CNNM1: variants seen among roughly 807,000 people sequenced by gnomAD.
CNNM1 encodes metal transporter CNNM1.
In CNNM1, 44 loss-of-function variants were observed where a neutral mutation model predicts 78.8. The ratio of observed to expected loss-of-function variants is 0.56; its 90% confidence interval spans 0.44 to 0.72. The LOEUF is 0.72. CNNM1 is among the 30% of genes least tolerant of loss of function. CNNM1 has a pLI of 0.00. For synonymous variants in CNNM1, 584 were observed against 581.5 expected (o/e 1.00, Z -0.06); for missense variants, 1,101 against 1,292.2 (o/e 0.85, Z 2.27).
intron 1 of CNNM1, among the ~76,000 whole-genome samples, chr10:99,355,077 T>C (rs2031086726): frequency 6.6e-6 from 1 of 152,314 alleles, no homozygotes; most frequent in Non-Finnish European, 1.5e-5. Flanking sequence ...AGATATTTGA[T>C]ACAGAAGTTC....
chr10:99,334,362 A>C (rs1000625279), intron 1 of CNNM1, among the ~76,000 whole-genome samples: 1 of 152,236 alleles, frequency 6.6e-6, no homozygotes, highest in Non-Finnish European at 1.5e-5. Context: ...CTTTAAAAAT[A>C]ACGTTTTTGG....
In CNNM1 at chr10:99,388,179, C is replaced by T; in HGVS notation, c.2552C>T (p.Pro851Leu). Residue 851 changes from proline to leucine, a missense_variant, in exon 9 of 11, where the codon CCC becomes CTC. Physicochemically the swap from Pro to Leu is moderately conservative, Grantham distance 98. This residue lies in a region of CNNM1 where 348 missense variants were observed against 384.5 expected (regional missense o/e 0.90). Coordinates refer to ENST00000356713, the MANE Select transcript of CNNM1 (RefSeq NM_020348.3). Reference protein sequence around the residue: ...PCSRSDGLRSPSEVVYLRMEE... With the variant: ...PCSRSDGLRSLSEVVYLRMEE... ...AGCCGCTCAGACGGGCTGAGAAGCCCCAGCGAGGTAGTGTACCTGAGGATG... is the reference window on the plus strand; with the variant it reads ...AGCCGCTCAGACGGGCTGAGAAGCCTCAGCGAGGTAGTGTACCTGAGGATG... The T allele has an allele frequency of 7.4e-6, 12 of 1,613,926 alleles. No homozygotes were observed. The highest frequency in any genetic ancestry group is 1.0e-5 in the Non-Finnish European group (12 of 1,179,892).
At chr10:99,365,962 A>G (rs1248559965) in intron 6 of CNNM1, among the ~76,000 whole-genome samples, 1 of 152,252 alleles carries the variant, frequency 6.6e-6, no homozygotes, top group Non-Finnish European at 1.5e-5. Context: ...TGACCGGCCA[A>G]GATGCTTCCT....
chr10:99,331,206 T>C (rs1311703916), intron 1 of CNNM1, among the ~76,000 whole-genome samples: 5 of 152,294 alleles, frequency 3.3e-5, no homozygotes, highest in Non-Finnish European at 7.4e-5. Flanking sequence ...ATTCCTTATT[T>C]GTTCCATTCT....
intron 1 of CNNM1, among the ~76,000 whole-genome samples, chr10:99,356,566 A>C (rs10883337): frequency 0.054 from 2,962 of 54,688 alleles, 29 homozygotes; most frequent in East Asian, 0.07. Context: ...GACAGACAGA[A>C]AGAAAGAAAG....
chr10:99,384,925 TG>T (rs1347174444), intron 7 of CNNM1, among the ~76,000 whole-genome samples: 13 of 151,808 alleles, frequency 8.6e-5, no homozygotes. Flanking sequence ...AAAAATAAGC[TG>T]GGCGTCGTGG....
intron 8 of CNNM1, 32 bp downstream of exon 8, chr10:99,388,035 C>A: frequency 6.3e-7 from 1 of 1,577,114 alleles, no homozygotes. Context: ...GCAGGCTGGG[C>A]TGGTGTGGGG....
At chr10:99,338,139 C>A (rs796223609) in intron 1 of CNNM1, among the ~76,000 whole-genome samples, 10 of 152,256 alleles carry the variant, frequency 6.6e-5, no homozygotes, top group African/African-American at 1.9e-4. Context: ...CCATGACTTC[C>A]AGTGACCTTG....
At chr10:99,351,164 G>C (rs893289110) in intron 1 of CNNM1, among the ~76,000 whole-genome samples, 2 of 152,170 alleles carry the variant, frequency 1.3e-5, no homozygotes, top group African/African-American at 4.8e-5. Flanking sequence ...ACTGCCCTTT[G>C]GATTCTTGGG....
At position 99,362,478 on chromosome 10, in the gene CNNM1, C is replaced by T. The variant is rs544296804; in HGVS notation, c.2028+82C>T. On this transcript the variant is annotated intron_variant, in intron 4 of 10. Transcript: ENST00000356713. The stretch of plus-strand genomic sequence containing the variant: ...AGAAATGGCCATGCCTCCGTCAGCA[C>T]CAAGTTCCAAGACTTGGCTGGCTGC... 1.0e-4 allele frequency: 145 copies of T among 1,425,008 alleles called. 1 individual carries two copies. Among genetic ancestry groups the T allele is most frequent in the Middle Eastern group, 8.9e-4 (4 of 4,490 alleles). 88.3% of individuals were successfully genotyped at this position (1,425,008 alleles called of 1,614,324 possible).
At chr10:99,344,420 C>T (rs2030595780) in intron 1 of CNNM1, among the ~76,000 whole-genome samples, 1 of 151,990 alleles carries the variant, frequency 6.6e-6, no homozygotes, top group South Asian at 2.1e-4. Flanking sequence ...CAGTATAGCC[C>T]TAAAGAGACT....
At chr10:99,358,375 A>G (rs893322964) in intron 2 of CNNM1, among the ~76,000 whole-genome samples, 2 of 152,238 alleles carry the variant, frequency 1.3e-5, no homozygotes, top group African/African-American at 2.4e-5. Flanking sequence ...CTTTGTCTTT[A>G]GGATTGGAAT....
In CNNM1 at chr10:99,330,139, C is replaced by A; in HGVS notation, c.752C>A (p.Pro251Gln). The change falls in exon 1 of 11, where the codon CCG becomes CAG. Residue 251 changes from proline to glutamine, a missense_variant. This residue lies in a region of CNNM1 where 476 missense variants were observed against 484.5 expected (regional missense o/e 0.98). Transcript: ENST00000356713. ...CGCCTGAGCCTGCTGTCGCTGGACC[C>A]GGTGGAGTTACGGGTGCTGCGGAAC... ...GLRLSLLSLD[P>Q]VELRVLRNSG... The A allele has an allele frequency of 1.9e-6, 3 of 1,547,396 alleles. No homozygotes were observed. Among genetic ancestry groups the A allele is most frequent in the East Asian group, 2.4e-5 (1 of 41,620 alleles).
intron 7 of CNNM1, among the ~76,000 whole-genome samples, chr10:99,387,165 G>A (rs563923067): frequency 2.0e-5 from 3 of 152,306 alleles, no homozygotes; most frequent in South Asian, 4.1e-4. Flanking sequence ...GCCTGGAATC[G>A]TGGAGACTCC....
At chr10:99,356,605 A>AAAGG (rs1491432735) in intron 1 of CNNM1, among the ~76,000 whole-genome samples, 1 of 56,326 alleles carries the variant, frequency 1.8e-5, no homozygotes, top group Non-Finnish European at 6.2e-5. Flanking sequence ...AGAAAGAAAG[A>AAAGG]AAAGAAAGAA....
chr10:99,371,907 AC>A (rs2031815768), intron 6 of CNNM1, among the ~76,000 whole-genome samples: 1 of 152,208 alleles, frequency 6.6e-6, no homozygotes, highest in Admixed American at 6.5e-5. Flanking sequence ...TCACAGTCAG[AC>A]CAAAGTAGGC....
chr10:99,333,681 G>A (rs920069489), intron 1 of CNNM1, among the ~76,000 whole-genome samples: 2 of 152,064 alleles, frequency 1.3e-5, no homozygotes, highest in African/African-American at 2.4e-5. Flanking sequence ...ACAGTTTTAG[G>A]CAACAAGGGA....
intron 1 of CNNM1, among the ~76,000 whole-genome samples, chr10:99,333,768 T>C (rs2030038840): frequency 6.6e-6 from 1 of 152,226 alleles, no homozygotes; most frequent in African/African-American, 2.4e-5. Flanking sequence ...AATTGTCATA[T>C]CAACTCTTAT....
At chr10:99,379,637 G>C (rs1020431655) in intron 7 of CNNM1, among the ~76,000 whole-genome samples, 1 of 118,528 alleles carries the variant, frequency 8.4e-6, no homozygotes, top group African/African-American at 3.1e-5. Flanking sequence ...TAAGTGTGGC[G>C]GGATTTTTTT....
Sources: gnomAD v4.1 joint callset for allele counts (sites outside exome capture counted in the v4.1 genomes callset) on GRCh38, gnomAD v4.1.1 for gene constraint, gnomAD v4.1.1 regional missense constraint, MANE v1.5 for transcripts, NCBI Gene and HGNC (gene_info 2026-07-23, HGNC 2026-07-21) for gene names.